The following GSTM4 variants were observed in gnomAD, a reference collection of about 807,000 sequenced individuals.
GSTM4 encodes glutathione S-transferase mu 4, also known as GST class-mu 4.
Under a neutral mutation model 30.1 loss-of-function variants are expected in GSTM4, and 27 were observed. That is an observed-to-expected ratio of 0.90 (90% CI 0.66 to 1.24). The LOEUF (loss-of-function observed/expected upper bound fraction) is 1.24. GSTM4 is among the 50% of genes most tolerant of loss of function. The pLI is 0.00. For missense variants in GSTM4, 238 were observed against 272.1 expected, an observed-to-expected ratio of 0.87 and a Z score of 0.88; for synonymous variants, 94 against 96.2, an observed-to-expected ratio of 0.98 and a Z score of 0.13.
intron 2 of GSTM4, 47 bp downstream of exon 2, chr1:109,656,834 G>T: frequency 1.3e-6 from 2 of 1,583,488 alleles, no homozygotes; most frequent in Middle Eastern, 1.7e-4. Context: ...CGCTGAGTTG[G>T]CACCAAGCAA....
chr1:109,659,672 G>A (rs1017403594), intron 7 of GSTM4: 1 of 359,356 alleles, frequency 2.8e-6, no homozygotes, highest in Non-Finnish European at 5.3e-6. Context: ...CCAGAGCTGT[G>A]GCCAGAGCTG....
At chr1:109,665,645 T>TA (rs995243520), downstream of GSTM4, 1 of 152,122 alleles carries the variant, frequency 6.6e-6, no homozygotes, top group African/African-American at 2.4e-5. Context: ...AAACACAAGA[T>TA]AAAACGCTGC....
chr1:109,663,186 A>G (rs1208547574), downstream of GSTM4, among the ~76,000 whole-genome samples: 2 of 152,220 alleles, frequency 1.3e-5, no homozygotes, highest in Non-Finnish European at 2.9e-5. Flanking sequence ...AAATGAGTCC[A>G]TGGTATCAGA....
chr1:109,664,504 C>T (rs968936448), downstream of GSTM4, among the ~76,000 whole-genome samples: 3 of 151,424 alleles, frequency 2.0e-5, no homozygotes, highest in East Asian at 1.9e-4. Flanking sequence ...GAATTACGGG[C>T]GTGTGCCACC....
intron 7 of GSTM4, chr1:109,659,497 G>C: frequency 1.2e-6 from 1 of 836,254 alleles, no homozygotes. Flanking sequence ...TCACAGCCCA[G>C]GGCACTTTGG....
Position 109,656,198 on chromosome 1 carries a change from C to T in GSTM4, c.-192C>T, listed in dbSNP as rs1570613583. ...CCAGCAACCTGCTCCGTGCCTCCCG[C>T]GCCTGTTGGTTGGAAGTGACGACCT... On this transcript the variant is annotated 5_prime_UTR_variant, in exon 1 of 8. Coordinates refer to ENST00000369836, the MANE Select transcript of GSTM4 (RefSeq NM_000850.5). 1.5e-6 allele frequency: 1 copy of T among 649,006 alleles called. No individual in the cohort carries two copies. The highest frequency in any genetic ancestry group is 2.9e-6 in the Non-Finnish European group (1 of 350,622). 40.2% of individuals were successfully genotyped at this position (649,006 alleles called of 1,614,324 possible).
At chr1:109,656,867 A>G (rs767677796) in intron 2 of GSTM4, 80 bp downstream of exon 2, 78 of 1,373,812 alleles carry the variant, frequency 5.7e-5, no homozygotes, top group East Asian at 1.1e-4. Flanking sequence ...ACCTGTGGCT[A>G]CCTCTGCAGG....
chr1:109,659,456 A>G, intron 7 of GSTM4: 1 of 1,223,350 alleles, frequency 8.2e-7, no homozygotes, highest in Admixed American at 2.9e-5. Context: ...TGACAAAAGA[A>G]AGAAGCCTCA....
chr1:109,658,521 C>A, intron 5 of GSTM4: 2 of 419,520 alleles, frequency 4.8e-6, no homozygotes, highest in Non-Finnish European at 8.6e-6. Flanking sequence ...GGTCCAGAGC[C>A]TGCCAGGTAC....
intron 3 of GSTM4, 59 bp downstream of exon 3, chr1:109,657,338 T>C: frequency 1.3e-6 from 2 of 1,593,852 alleles, no homozygotes; most frequent in South Asian, 2.2e-5. Context: ...TGACTGCATC[T>C]CCTCTCCCCA....
intron 7 of GSTM4, chr1:109,659,631 G>A (rs764383121): frequency 1.9e-5 from 7 of 362,500 alleles, no homozygotes; most frequent in African/African-American, 8.5e-5. Context: ...AGCTTTGCAC[G>A]ATCAGACCCC....
chr1:109,656,905 C>T (rs780452336), intron 2 of GSTM4, 118 bp downstream of exon 2: 6 of 1,082,778 alleles, frequency 5.5e-6, no homozygotes, highest in African/African-American at 1.5e-5. Context: ...GCAGGCTGTC[C>T]CTTCCCTGAG....
In GSTM4 at chr1:109,656,444, C is replaced by T. The variant is rs758677199; in HGVS notation, c.36+19C>T. Reference sequence around the variant, plus strand: ...CCGCGGGGTGAGTGAGGGTCCGCTGCACTGTGGGACCGGGCGCGTGGGCGG... The same window carrying T: ...CCGCGGGGTGAGTGAGGGTCCGCTGTACTGTGGGACCGGGCGCGTGGGCGG... On this transcript the variant is annotated intron_variant, in intron 1 of 7. Transcript: ENST00000369836. 7 of 1,613,484 alleles carry T rather than the reference C, an allele frequency of 4.3e-6. No homozygotes were observed. In the South Asian group the frequency reaches 6.6e-5, roughly 15 times the overall value.
chr1:109,662,307 C>G (rs571106314), downstream of GSTM4, among the ~76,000 whole-genome samples: 1 of 152,116 alleles, frequency 6.6e-6, no homozygotes, highest in Non-Finnish European at 1.5e-5. Context: ...TCTTAGATGC[C>G]CAGAGGTGGT....
chr1:109,665,971 C>A (rs1284753026), downstream of GSTM4, among the ~76,000 whole-genome samples: 2 of 152,196 alleles, frequency 1.3e-5, no homozygotes, highest in Non-Finnish European at 2.9e-5. Flanking sequence ...GACTTTTGGC[C>A]ACCCCTAATG....
downstream of GSTM4, chr1:109,664,883 A>T (rs1647255705): frequency 2.1e-6 from 2 of 937,736 alleles, no homozygotes; most frequent in Non-Finnish European, 3.5e-6. Flanking sequence ...CCTGTATAAA[A>T]CTCTCTGTTT....
downstream of GSTM4, chr1:109,665,006 T>C (rs373564716): frequency 1.3e-4 from 217 of 1,609,572 alleles, 2 homozygotes; most frequent in Middle Eastern, 3.0e-3. Context: ...ATGATTCTGT[T>C]CTAGGTTTCC....
downstream of GSTM4, among the ~76,000 whole-genome samples, chr1:109,662,603 C>G (rs1652356740): frequency 6.6e-6 from 1 of 152,212 alleles, no homozygotes; most frequent in African/African-American, 2.4e-5. Flanking sequence ...AAAACTTGAA[C>G]AGGCATTTCC....
chr1:109,664,341 C>CTTTTTTTTTTTTTTTTTTTT (rs77855995), downstream of GSTM4, among the ~76,000 whole-genome samples: 37 of 35,754 alleles, frequency 1.0e-3, 8 homozygotes, highest in East Asian at 6.4e-3. Flanking sequence ...GAGAGAATAG[C>CTTTTTTTTTTTTTTTTTTTT]TTTTTTTTTT....
Sources: gnomAD v4.1 joint callset for allele counts (sites outside exome capture counted in the v4.1 genomes callset) on GRCh38, gnomAD v4.1.1 for gene constraint, MANE v1.5 for transcripts, NCBI Gene and HGNC (gene_info 2026-07-23, HGNC 2026-07-21) for gene names.